The following LMNTD1 variants were observed in gnomAD, a reference collection of about 807,000 sequenced individuals.
LMNTD1 encodes lamin tail domain containing 1.
A neutral mutation model predicts 50.9 loss-of-function variants in LMNTD1; 35 were observed. That is an observed-to-expected ratio of 0.69 (90% CI 0.53 to 0.91). The LOEUF (loss-of-function observed/expected upper bound fraction) is 0.91. Among genes scored for constraint, LMNTD1 ranks in the 40% least tolerant of loss-of-function variants. LMNTD1 has a pLI of 0.00. For missense variants in LMNTD1, 470 were observed against 475.5 expected (o/e 0.99, Z 0.11); for synonymous variants, 153 against 161.9 (o/e 0.94, Z 0.42).
chr12:25,526,827 G>C lies in LMNTD1; in HGVS notation c.620C>G (p.Thr207Ser). ...TGGAAGGAATCGGTACAAAGAAATG[G>C]TTTGTCCATTCACATTTTGCTGGAG... ...HILQQNVNGQTISLYRFLPNI... is the reference protein window; with the variant it reads ...HILQQNVNGQSISLYRFLPNI... The change falls in exon 5 of 10, where the codon ACC becomes AGC. Residue 207 changes from threonine to serine, a missense_variant. Physicochemically the swap from Thr to Ser is moderately conservative, Grantham distance 58. Transcript: ENST00000458174. 6 of 1,613,138 alleles carry C rather than the reference G, an allele frequency of 3.7e-6. No individual in the cohort carries two copies. The highest frequency in any genetic ancestry group is 4.2e-6 in the Non-Finnish European group (5 of 1,179,404).
intron 4 of LMNTD1, among the ~76,000 whole-genome samples, chr12:25,527,672 A>ATATATATAT (rs1941873123): frequency 4.7e-5 from 1 of 21,436 alleles, no homozygotes; most frequent in African/African-American, 1.1e-4. Flanking sequence ...ATATATATAT[A>ATATATATAT]TATATATATA....
At chr12:25,600,832 C>G (rs1592091579) in intron 1 of LMNTD1, among the ~76,000 whole-genome samples, 1 of 151,794 alleles carries the variant, frequency 6.6e-6, no homozygotes, top group Non-Finnish European at 1.5e-5. Flanking sequence ...AAAAGGAAAC[C>G]CTGGTACACT....
chr12:25,636,119 C>T (rs1429046543), intron 1 of LMNTD1, among the ~76,000 whole-genome samples: 1 of 152,016 alleles, frequency 6.6e-6, no homozygotes, highest in East Asian at 1.9e-4. Flanking sequence ...ACAATGAAAA[C>T]AAAGATAAAT....
intron 1 of LMNTD1, among the ~76,000 whole-genome samples, chr12:25,598,206 C>T (rs998863705): frequency 3.9e-5 from 6 of 151,980 alleles, no homozygotes; most frequent in Admixed American, 6.6e-5. Context: ...TTGTTAGCAG[C>T]ATGAGAACAG....
chr12:25,486,509 C>T (rs994067624), intron 9 of LMNTD1, among the ~76,000 whole-genome samples: 13 of 130,948 alleles, frequency 9.9e-5, no homozygotes, highest in African/African-American at 3.6e-4. Context: ...CTTCTCCTGC[C>T]TAATTGCCCT....
chr12:25,554,087 G>A (rs181016141), upstream of LMNTD1, among the ~76,000 whole-genome samples: 19 of 152,294 alleles, frequency 1.2e-4, no homozygotes, highest in East Asian at 3.8e-4. Flanking sequence ...GGAAGTAAAC[G>A]TTTGACCGTA....
At chr12:25,530,210 C>T (rs1330496646) in intron 4 of LMNTD1, among the ~76,000 whole-genome samples, 5 of 152,132 alleles carry the variant, frequency 3.3e-5, no homozygotes, top group East Asian at 1.9e-4. Context: ...TTATGGTATT[C>T]GTAGCATAGT....
At chr12:25,574,818 A>C (rs1944938301) in intron 1 of LMNTD1, among the ~76,000 whole-genome samples, 1 of 152,206 alleles carries the variant, frequency 6.6e-6, no homozygotes, top group Admixed American at 6.5e-5. Flanking sequence ...TATTTGCAAA[A>C]AGAAGGAACA....
At chr12:25,519,306 TGGC>T (rs1565961653) in intron 7 of LMNTD1, among the ~76,000 whole-genome samples, 1 of 152,066 alleles carries the variant, frequency 6.6e-6, no homozygotes, top group Non-Finnish European at 1.5e-5. Context: ...AAAAGTGAAA[TGGC>T]GGCCGGCCGC....
chr12:25,599,804 C>A (rs1592090427), intron 1 of LMNTD1, among the ~76,000 whole-genome samples: 2 of 151,734 alleles, frequency 1.3e-5, no homozygotes, highest in Admixed American at 6.6e-5. Flanking sequence ...GAAGTGGACA[C>A]CAAAAAGTGA....
At chr12:25,648,400 A>C (rs1947118590) in intron 1 of LMNTD1, 1 of 994,368 alleles carries the variant, frequency 1.0e-6, no homozygotes, top group Non-Finnish European at 1.6e-6. Context: ...AGATATGACC[A>C]CTTTCTAAAG....
chr12:25,551,415 G>T (rs538218525), intron 2 of LMNTD1, among the ~76,000 whole-genome samples: 47 of 151,856 alleles, frequency 3.1e-4, no homozygotes, highest in Admixed American at 2.2e-3. Flanking sequence ...TATGAGACAG[G>T]GTCTCTCTCT....
intron 1 of LMNTD1, among the ~76,000 whole-genome samples, chr12:25,608,726 C>A (rs984875176): frequency 6.6e-6 from 1 of 151,016 alleles, no homozygotes; most frequent in Non-Finnish European, 1.5e-5. Context: ...GGGAAAGAAA[C>A]CCGACCTTTC....
chr12:25,591,271 G>T (rs1432816858), intron 1 of LMNTD1, among the ~76,000 whole-genome samples: 1 of 152,038 alleles, frequency 6.6e-6, no homozygotes, highest in Non-Finnish European at 1.5e-5. Flanking sequence ...CCTGGGAGTG[G>T]TATAACACAA....
chr12:25,499,654 G>A (rs1213627164), intron 9 of LMNTD1, among the ~76,000 whole-genome samples: 1 of 151,814 alleles, frequency 6.6e-6, no homozygotes, highest in Non-Finnish European at 1.5e-5. Context: ...TACTTGAGTA[G>A]TGCCTAATTA....
intron 1 of LMNTD1, among the ~76,000 whole-genome samples, chr12:25,613,625 G>T (rs1221962493): frequency 6.6e-6 from 1 of 152,162 alleles, no homozygotes; most frequent in African/African-American, 2.4e-5. Flanking sequence ...GCTCTGAATA[G>T]TGTCTGGCAC....
chr12:25,631,070 G>A (rs944587230), intron 1 of LMNTD1, among the ~76,000 whole-genome samples: 1 of 152,114 alleles, frequency 6.6e-6, no homozygotes, highest in Non-Finnish European at 1.5e-5. Flanking sequence ...ACTTAACAGA[G>A]GCAGCCATAA....
chr12:25,618,462 A>G (rs931395634), intron 1 of LMNTD1, among the ~76,000 whole-genome samples: 1 of 152,148 alleles, frequency 6.6e-6, no homozygotes, highest in Non-Finnish European at 1.5e-5. Context: ...TTGCAATACC[A>G]TTGCTTCGGG....
chr12:25,583,820 G>C (rs1467132922), intron 1 of LMNTD1, among the ~76,000 whole-genome samples: 1 of 152,192 alleles, frequency 6.6e-6, no homozygotes, highest in South Asian at 2.1e-4. Context: ...TATCAGTACA[G>C]GGGGAGGACT....
Sources: allele counts gnomAD v4.1 joint callset (sites outside exome capture counted in the v4.1 genomes callset), GRCh38; gene constraint gnomAD v4.1.1; transcripts MANE v1.5; gene names NCBI Gene and HGNC (gene_info 2026-07-23, HGNC 2026-07-21).